NSUN2: variants seen among roughly 807,000 people sequenced by gnomAD.
NSUN2 encodes RNA cytosine C(5)-methyltransferase NSUN2.
A neutral mutation model predicts 92.7 loss-of-function variants in NSUN2; 63 were observed. The ratio of observed to expected loss-of-function variants is 0.68; its 90% CI spans 0.56 to 0.84. The LOEUF (loss-of-function observed/expected upper bound fraction) is 0.84, where lower values mean the gene tolerates loss of function less well. Ranked by LOEUF, NSUN2 falls within the 40% of genes least tolerant of loss-of-function variation. NSUN2 has a pLI of 0.00. For synonymous variants in NSUN2, 356 were observed against 348.3 expected (o/e 1.02, Z -0.25); for missense variants, 989 against 964.9 (o/e 1.02, Z -0.33).
intron 3 of NSUN2, among the ~76,000 whole-genome samples, chr5:6,625,953 C>T (rs1737637826): frequency 6.6e-6 from 1 of 151,986 alleles, no homozygotes; most frequent in Admixed American, 6.6e-5. Flanking sequence ...CGCTCGAGAT[C>T]AGATGAAAAA....
intron 15 of NSUN2, chr5:6,605,052 C>T: frequency 1.5e-6 from 1 of 645,836 alleles, no homozygotes; most frequent in Admixed American, 3.0e-5. Flanking sequence ...GAATGGGGCA[C>T]AGAAAAGACA....
In NSUN2 at chr5:6,599,667, G is replaced by C. The variant is rs760296949; in HGVS notation, c.*259C>G. ...TTTTGAAAGTCTATTCCCAGCAAAA[G>C]AAACACTAGACCCAGCTTGGCCAAA... On this transcript the variant is annotated 3_prime_UTR_variant, in exon 19 of 19. Coordinates refer to ENST00000264670, the MANE Select transcript of NSUN2 (RefSeq NM_017755.6). 1 of 430,134 alleles carries C rather than the reference G, an allele frequency of 2.3e-6. No homozygotes were observed. The highest frequency in any genetic ancestry group is 4.1e-6 in the Non-Finnish European group (1 of 243,492). The allele number at this position is 430,134 out of a possible 1,614,324, so 26.6% of individuals were successfully genotyped here. A position where few individuals can be genotyped will look rare whatever the true frequency, so the allele number is the denominator to read the frequency against.
chr5:6,612,965 C>CT (rs1737064512), intron 9 of NSUN2, among the ~76,000 whole-genome samples: 1 of 152,366 alleles, frequency 6.6e-6, no homozygotes, highest in Admixed American at 6.5e-5. Context: ...ACCACCCACT[C>CT]TAAGGCTCAG....
At chr5:6,613,134 T>C (rs1416096655) in intron 9 of NSUN2, among the ~76,000 whole-genome samples, 1 of 152,184 alleles carries the variant, frequency 6.6e-6, no homozygotes, top group Admixed American at 6.5e-5. Flanking sequence ...AACCCACCTG[T>C]CCAGTAAGAA....
At chr5:6,607,885 C>A (rs1736842915) in intron 12 of NSUN2, among the ~76,000 whole-genome samples, 1 of 152,128 alleles carries the variant, frequency 6.6e-6, no homozygotes, top group South Asian at 2.1e-4. Flanking sequence ...GAAACACCTG[C>A]CAAAGAATGA....
At position 6,605,700 on chromosome 5, in the gene NSUN2, C is replaced by CTT. The variant is rs879418991; in HGVS notation, c.1602-294_1602-293dup. On this transcript the variant is annotated intron_variant, in intron 14 of 18. Coordinates refer to ENST00000264670, the MANE Select transcript of NSUN2 (RefSeq NM_017755.6). Reference sequence around the variant, plus strand: ...TGACCTGATAACACTACTTTTGAGACTTTTTTTTTTTTTTTGATATGGAGT... The same window carrying CTT: ...TGACCTGATAACACTACTTTTGAGACTTTTTTTTTTTTTTTTTGATATGGAGT... 6.9e-5 allele frequency among the ~76,000 whole-genome samples: 10 copies of CTT among 144,928 alleles called. No homozygotes were observed. The South Asian group carries it at 1.5e-3, about 22-fold the overall frequency.
intron 3 of NSUN2, among the ~76,000 whole-genome samples, chr5:6,630,044 ACAAT>A (rs1579382003): frequency 6.6e-6 from 1 of 152,338 alleles, no homozygotes. Context: ...CAAGTACAAC[ACAAT>A]CAGTGTCGTC....
chr5:6,621,029 G>A (rs1737415104), intron 6 of NSUN2: 1 of 152,172 alleles, frequency 6.6e-6, no homozygotes, highest in African/African-American at 2.4e-5. Flanking sequence ...TAAAAAAGAG[G>A]ATTTCAAAAA....
chr5:6,604,725 G>A, intron 15 of NSUN2, 40 bp from the exon 16 acceptor site: 1 of 1,515,952 alleles, frequency 6.6e-7, no homozygotes, highest in Non-Finnish European at 9.2e-7. Flanking sequence ...GAGAGATGAA[G>A]ACAGGACCAT....
intron 3 of NSUN2, among the ~76,000 whole-genome samples, chr5:6,626,825 T>TA (rs1416410033): frequency 6.6e-6 from 1 of 152,210 alleles, no homozygotes; most frequent in Non-Finnish European, 1.5e-5. Flanking sequence ...GATGCAGTAA[T>TA]ACACTCAATT....
chr5:6,616,709 TC>T lies in NSUN2; in HGVS notation c.1021+17del. ...AGCCCCCTATGCTGTTAATAAAAGA[TC>T]CATCAAGCGTGCTTACCTTCACTTT... On this transcript the variant is annotated intron_variant, in intron 9 of 18. Coordinates refer to ENST00000264670, the MANE Select transcript of NSUN2 (RefSeq NM_017755.6). 1 of 1,330,816 alleles carries T rather than the reference TC, an allele frequency of 7.5e-7. No homozygotes were observed. The highest frequency in any genetic ancestry group is 9.8e-7 in the Non-Finnish European group (1 of 1,024,128). The allele number at this position is 1,330,816 out of a possible 1,614,324, so 82.4% of individuals were successfully genotyped here. A position where few individuals can be genotyped will look rare whatever the true frequency, so the allele number is the denominator to read the frequency against.
Position 6,606,926 on chromosome 5 carries a change from C to G in NSUN2, c.1509-14G>C. ...GATGGAGGAGGACTAAAAAGGGAAT[C>G]AGGATGAGACAAATCAATCTGTAAT... On this transcript the variant is annotated splice_polypyrimidine_tract_variant and intron_variant, in intron 13 of 18. Coordinates refer to ENST00000264670, the MANE Select transcript of NSUN2 (RefSeq NM_017755.6). 7.0e-7 allele frequency: 1 copy of G among 1,423,906 alleles called. No homozygotes were observed. The highest frequency in any genetic ancestry group is 1.2e-5 in the South Asian group (1 of 84,998). The allele number at this position is 1,423,906 out of a possible 1,614,324, so 88.2% of individuals were successfully genotyped here. A position where few individuals can be genotyped will look rare whatever the true frequency, so the allele number is the denominator to read the frequency against.
chr5:6,614,045 G>A (rs935197965), intron 9 of NSUN2, among the ~76,000 whole-genome samples: 7 of 144,764 alleles, frequency 4.8e-5, no homozygotes, highest in Admixed American at 2.1e-4. Context: ...GCAGTGAGCC[G>A]AGATGGCGCC....
At chr5:6,625,948 G>A (rs1336210882) in intron 3 of NSUN2, among the ~76,000 whole-genome samples, 2 of 152,012 alleles carry the variant, frequency 1.3e-5, no homozygotes, top group African/African-American at 2.4e-5. Flanking sequence ...TGAAACGCTC[G>A]AGATCAGATG....
intron 12 of NSUN2, 138 bp from the exon 13 acceptor site, chr5:6,607,522 T>C: frequency 4.0e-6 from 3 of 749,054 alleles, no homozygotes; most frequent in Non-Finnish European, 6.3e-6. Flanking sequence ...GACAACAGAA[T>C]TTTTTTAAAG....
At chr5:6,627,262 T>G (rs1466067974) in intron 3 of NSUN2, among the ~76,000 whole-genome samples, 2 of 152,222 alleles carry the variant, frequency 1.3e-5, no homozygotes, top group Non-Finnish European at 2.9e-5. Flanking sequence ...TACATGCAAA[T>G]TTGGCATTTG....
intron 3 of NSUN2, among the ~76,000 whole-genome samples, chr5:6,628,591 G>A (rs1488514207): frequency 2.6e-5 from 4 of 152,200 alleles, no homozygotes; most frequent in Non-Finnish European, 4.4e-5. Context: ...AGAGGATTGG[G>A]AAGAATATTA....
chr5:6,603,734 T>A (rs987733305), intron 17 of NSUN2: 1 of 169,924 alleles, frequency 5.9e-6, no homozygotes, highest in Non-Finnish European at 1.2e-5. Flanking sequence ...CACAGAGACC[T>A]GCTTCCACCC....
intron 9 of NSUN2, 94 bp from the exon 10 acceptor site, chr5:6,611,892 A>G (rs1039532536): frequency 6.5e-6 from 7 of 1,073,496 alleles, no homozygotes; most frequent in Middle Eastern, 2.0e-4. Flanking sequence ...CACATATTAT[A>G]TGATTCCATG....
Sources: allele counts gnomAD v4.1 joint callset (sites outside exome capture counted in the v4.1 genomes callset), GRCh38; gene constraint gnomAD v4.1.1; transcripts MANE v1.5; gene names NCBI Gene and HGNC (gene_info 2026-07-23, HGNC 2026-07-21).